TMEM230: variants seen among roughly 807,000 people sequenced by gnomAD.
The protein encoded by TMEM230 is UPF0414 transmembrane protein C20orf30.
In TMEM230, 10 loss-of-function variants were observed where a neutral mutation model predicts 15.8. The observed-to-expected ratio is 0.63, with a 90% confidence interval of 0.39 to 1.07. The LOEUF (loss-of-function observed/expected upper bound fraction) is 1.07, where lower values mean the gene tolerates loss of function less well. Among genes scored for constraint, TMEM230 ranks in the 50% least tolerant of loss-of-function variants. The pLI is 0.01. For missense variants in TMEM230, 165 were observed against 193.3 expected, an observed-to-expected ratio of 0.85 and a Z score of 0.87; for synonymous variants, 67 against 76.9, an observed-to-expected ratio of 0.87 and a Z score of 0.68.
intron 3 of TMEM230, among the ~76,000 whole-genome samples, chr20:5,085,121 G>T (rs1486366313): frequency 6.6e-6 from 1 of 152,008 alleles, no homozygotes; most frequent in Non-Finnish European, 1.5e-5. Flanking sequence ...AATTTCATCT[G>T]AAGGCTGTAT....
intron 3 of TMEM230, among the ~76,000 whole-genome samples, chr20:5,083,285 ATTT>A (rs71197748): frequency 0.48 from 57,788 of 119,426 alleles, 13,912 homozygotes; most frequent in East Asian, 0.8. Context: ...GGTTAGGGAG[ATTT>A]TTTTTTTTTT....
At chr20:5,064,343 G>A (rs554900033), downstream of TMEM230, among the ~76,000 whole-genome samples, 12 of 150,710 alleles carry the variant, frequency 8.0e-5, no homozygotes, top group African/African-American at 1.5e-4. Flanking sequence ...TTGGGAGGCC[G>A]AGGCAGGTGG....
At chr20:5,061,321 C>T in the TMEM230 span, 1 of 152,166 alleles carries the variant, frequency 6.6e-6, no homozygotes, top group Non-Finnish European at 1.5e-5. Context: ...AGCCTCAGAT[C>T]CCTTTCAATG....
exon 4 of TMEM230, chr20:5,069,278 C>T (rs543075963): frequency 6.5e-7 from 1 of 1,536,080 alleles, no homozygotes; most frequent in African/African-American, 1.4e-5. Flanking sequence ...TGCCTCCCAT[C>T]ATGTACCCAC....
At chr20:5,067,457 A>ATT (rs2088684859), downstream of TMEM230, 2 of 104,404 alleles carry the variant, frequency 1.9e-5, no homozygotes, top group African/African-American at 6.6e-5. Flanking sequence ...ATATATATAT[A>ATT]TATTTTAAGA....
At chr20:5,112,272 A>G (rs938283870) in intron 1 of TMEM230, among the ~76,000 whole-genome samples, 1 of 152,232 alleles carries the variant, frequency 6.6e-6, no homozygotes, top group African/African-American at 2.4e-5. Context: ...AAATTAGCAT[A>G]ATGTTAATCT....
intron 3 of TMEM230, among the ~76,000 whole-genome samples, chr20:5,108,036 C>T (rs985187698): frequency 2.6e-5 from 4 of 151,946 alleles, no homozygotes; most frequent in African/African-American, 9.7e-5. Flanking sequence ...ATCACTTGAA[C>T]CAGGAGGGGG....
chr20:5,090,812 C>T (rs2089486916), intron 3 of TMEM230, among the ~76,000 whole-genome samples: 1 of 151,924 alleles, frequency 6.6e-6, no homozygotes, highest in African/African-American at 2.4e-5. Flanking sequence ...AAAGAGCAGC[C>T]CAATCTGCAC....
chr20:5,098,122 C>T (rs1472150257), downstream of TMEM230, among the ~76,000 whole-genome samples: 3 of 151,944 alleles, frequency 2.0e-5, no homozygotes, highest in African/African-American at 7.3e-5. Flanking sequence ...GGATTACAGG[C>T]ATGTGTCACC....
intron 3 of TMEM230, among the ~76,000 whole-genome samples, chr20:5,084,006 C>T (rs1288782634): frequency 6.6e-6 from 1 of 152,214 alleles, no homozygotes; most frequent in East Asian, 1.9e-4. Flanking sequence ...TCACCCTCCT[C>T]CCACTCTCCA....
Position 5,100,016 on chromosome 20 carries a change from C to T in TMEM230, c.*775G>A. On this transcript the variant is annotated 3_prime_UTR_variant, in exon 5 of 5. Transcript: ENST00000342308. ...GAATCATGAGCAGAATGATGACATA[C>T]TACAAGGTGCTAGCAATACGGCTAT... is the stretch of plus-strand genomic sequence containing the variant. 7 of 985,284 alleles carry T rather than the reference C, an allele frequency of 7.1e-6. No homozygotes were observed. The highest frequency in any genetic ancestry group is 8.4e-6 in the Non-Finnish European group (7 of 829,868). The allele number at this position is 985,284 out of a possible 1,614,324, so 61.0% of individuals were successfully genotyped here. A position where few individuals can be genotyped will look rare whatever the true frequency, so the allele number is the denominator to read the frequency against.
At chr20:5,077,567 C>T (rs1226167402) in intron 3 of TMEM230, among the ~76,000 whole-genome samples, 2 of 137,380 alleles carry the variant, frequency 1.5e-5, no homozygotes, top group African/African-American at 2.5e-5. Context: ...GGCATGGTGG[C>T]GCACACCTGT....
intron 4 of TMEM230, among the ~76,000 whole-genome samples, chr20:5,102,803 T>C (rs2089923870): frequency 6.6e-6 from 1 of 151,118 alleles, no homozygotes; most frequent in Non-Finnish European, 1.5e-5. Flanking sequence ...ATACCAAAAC[T>C]AGGCAAAGAC....
At chr20:5,068,202 G>T (rs984552064), downstream of TMEM230, 2 of 152,208 alleles carry the variant, frequency 1.3e-5, no homozygotes, top group Non-Finnish European at 2.9e-5. Flanking sequence ...TATTGCAGCT[G>T]TTCCCGTTTT....
Position 5,094,735 on chromosome 20 carries a change from C to T in TMEM230, c.222+11453G>A, listed in dbSNP as rs5023819. Among the ~76,000 whole-genome samples the T allele has an allele frequency of 5.5e-5, 8 of 145,192 alleles. No homozygotes were observed. In the South Asian group the frequency reaches 6.5e-4, roughly 12 times the overall value. On this transcript the variant is annotated intron_variant, in intron 3 of 3. Coordinates refer to the TMEM230 transcript ENST00000612323. Reference sequence around the variant, plus strand: ...AAAAAAAAAAAAAAAAAAATTTGTACATCTGCTGCCCAGGCTGGTCTCGAA... The same window carrying T: ...AAAAAAAAAAAAAAAAAAATTTGTATATCTGCTGCCCAGGCTGGTCTCGAA...
chr20:5,094,478 G>C (rs1431847091), intron 3 of TMEM230, among the ~76,000 whole-genome samples: 1 of 151,532 alleles, frequency 6.6e-6, no homozygotes, highest in African/African-American at 2.4e-5. Flanking sequence ...GGAGGCTGAG[G>C]CGGGAGGATC....
intron 3 of TMEM230, among the ~76,000 whole-genome samples, chr20:5,088,419 G>C (rs537274426): frequency 6.6e-6 from 1 of 152,014 alleles, no homozygotes; most frequent in Non-Finnish European, 1.5e-5. Flanking sequence ...GAAAAATGAA[G>C]CTGTGTTCGT....
chr20:5,110,421 A>AT, intron 2 of TMEM230, among the ~76,000 whole-genome samples: 1 of 151,946 alleles, frequency 6.6e-6, no homozygotes, highest in East Asian at 1.9e-4. Flanking sequence ...AGTAGCTGGG[A>AT]TTACAGGCGT....
At chr20:5,080,363 T>C (rs1255823001) in intron 3 of TMEM230, among the ~76,000 whole-genome samples, 4 of 152,188 alleles carry the variant, frequency 2.6e-5, no homozygotes, top group Admixed American at 6.6e-5. Flanking sequence ...AGTTTCATAC[T>C]TCTCATTTCT....
Sources: gnomAD v4.1 joint callset for allele counts (sites outside exome capture counted in the v4.1 genomes callset) on GRCh38, gnomAD v4.1.1 for gene constraint, MANE v1.5 for transcripts, NCBI Gene and HGNC (gene_info 2026-07-23, HGNC 2026-07-21) for gene names.